The following KHDC4 variants were observed in gnomAD, a reference collection of about 807,000 sequenced individuals.
KHDC4 encodes KH domain containing 4, pre-mRNA splicing factor.
Under a neutral mutation model 74.5 loss-of-function variants are expected in KHDC4, and 19 were observed. That is an observed-to-expected ratio of 0.26 (90% CI 0.18 to 0.37). The LOEUF is 0.37. Among genes scored for constraint, KHDC4 ranks in the 10% least tolerant of loss-of-function variants. The probability of loss-of-function intolerance (pLI) is 1.00; values close to 1 mark genes in which losing one functional copy is unlikely to be tolerated. For synonymous variants in KHDC4, 253 were observed against 266.1 expected (o/e 0.95, Z 0.48); for missense variants, 632 against 754.1 (o/e 0.84, Z 1.90).
chr1:155,921,570 G>A lies in KHDC4; in HGVS notation c.1071C>T (p.Ser357=). ...SVPPQPPYYP[S]NGYQSGYPVV... is the part of the protein sequence containing the mutation. ...CAGGGTAACCAGACTGATAGCCATT[G>A]GATGGATAATATGGTGGTTGAGGAG... Residue 357 remains serine (S), a synonymous_variant, in exon 10 of 14, where the codon TCC becomes TCT. Transcript: ENST00000368321. 1.2e-6 allele frequency: 2 copies of A among 1,614,040 alleles called. No homozygotes were observed. Among genetic ancestry groups the A allele is most frequent in the Non-Finnish European group, 1.7e-6 (2 of 1,179,930 alleles).
At chr1:155,922,425 A>G (rs868147806) in intron 8 of KHDC4, among the ~76,000 whole-genome samples, 1 of 152,262 alleles carries the variant, frequency 6.6e-6, no homozygotes, top group South Asian at 2.1e-4. Flanking sequence ...GATTACAGGC[A>G]TGAGCCACCG....
intron 12 of KHDC4, among the ~76,000 whole-genome samples, chr1:155,916,209 A>AAT (rs1673726187): frequency 6.6e-6 from 1 of 152,228 alleles, no homozygotes; most frequent in Non-Finnish European, 1.5e-5. Context: ...TATGAAGGTT[A>AAT]ATATACTAAT....
At chr1:155,925,358 G>T (rs1673966660) in intron 7 of KHDC4, among the ~76,000 whole-genome samples, 2 of 151,794 alleles carry the variant, frequency 1.3e-5, no homozygotes, top group Admixed American at 6.6e-5. Context: ...TGGAGAGATG[G>T]GGTTTTGCTA....
At chr1:155,929,637 C>A in intron 3 of KHDC4, 75 bp downstream of exon 3, 3 of 1,498,222 alleles carry the variant, frequency 2.0e-6, no homozygotes, top group South Asian at 2.5e-5. Flanking sequence ...AAATATCTGA[C>A]GCCTGTCTAT....
Position 155,916,698 on chromosome 1 carries a change from A to T in KHDC4, c.1480T>A (p.Ser494Thr), listed in dbSNP as rs777845244. ...IHMTNLGTGF[S>T]SQNEIEGAGS... ...GCACCTTCAATCTCATTCTGACTGG[A>T]GAAGCCTGTACCTAAATTAGTCATA... is the stretch of plus-strand genomic sequence containing the variant. Residue 494 changes from serine (S) to threonine (T), a missense_variant, in exon 12 of 14, where the codon TCC becomes ACC. Coordinates refer to ENST00000368321, the MANE Select transcript of KHDC4 (RefSeq NM_014949.4). 1.2e-6 allele frequency: 2 copies of T among 1,613,910 alleles called. No individual in the cohort carries two copies. Among genetic ancestry groups the T allele is most frequent in the Admixed American group, 1.7e-5 (1 of 59,964 alleles).
intron 10 of KHDC4, among the ~76,000 whole-genome samples, chr1:155,918,971 GTTTT>G (rs66693073): frequency 9.3e-6 from 1 of 107,440 alleles, no homozygotes; most frequent in Non-Finnish European, 1.8e-5. Context: ...CTAACTCCCA[GTTTT>G]TTTTTTTTTT....
intron 12 of KHDC4, among the ~76,000 whole-genome samples, chr1:155,916,401 G>A (rs181127429): frequency 1.2e-4 from 18 of 152,272 alleles, no homozygotes; most frequent in Admixed American, 4.6e-4. Flanking sequence ...AAAGATGTCT[G>A]AACAAGTAAT....
intron 2 of KHDC4, among the ~76,000 whole-genome samples, chr1:155,931,155 C>A (rs1170574136): frequency 6.6e-6 from 1 of 151,732 alleles, no homozygotes; most frequent in Non-Finnish European, 1.5e-5. Context: ...AACCACATCT[C>A]TAAAAAAATA....
intron 11 of KHDC4, 141 bp from the exon 12 acceptor site, chr1:155,916,878 T>A: frequency 1.7e-6 from 1 of 595,294 alleles, no homozygotes; most frequent in Non-Finnish European, 2.9e-6. Context: ...TGGGATCTGC[T>A]GTGTAACTGT....
At chr1:155,926,196 G>A (rs1673990436) in intron 6 of KHDC4, 1 of 430,660 alleles carries the variant, frequency 2.3e-6, no homozygotes, top group Admixed American at 2.8e-5. Context: ...ATGAAGAAAT[G>A]TGTGATCAGG....
At chr1:155,926,364 C>T in intron 6 of KHDC4, 1 of 304,274 alleles carries the variant, frequency 3.3e-6, no homozygotes, top group Non-Finnish European at 5.8e-6. Context: ...GAGTCTTGCT[C>T]TGTGGCCCAG....
Position 155,916,634 on chromosome 1 carries a change from T to C in KHDC4, c.1544A>G (p.Glu515Gly), listed in dbSNP as rs369066374. Residue 515 changes from glutamate (E) to glycine (G), a missense_variant, in exon 12 of 14, where the codon GAG becomes GGG. Coordinates refer to ENST00000368321, the MANE Select transcript of KHDC4 (RefSeq NM_014949.4). The stretch of plus-strand genomic sequence containing the variant: ...AATTATTCCAACTTACCTGTCCCTC[T>C]CTCTCTCTTTGCCTGAGGAACTTGC... ...KPASSSGKERERDRQLMPPPA... is the reference protein window; with the variant it reads ...KPASSSGKERGRDRQLMPPPA... 1 of 1,608,012 alleles carries C rather than the reference T, an allele frequency of 6.2e-7. No individual in the cohort carries two copies. Among genetic ancestry groups the C allele is most frequent in the Non-Finnish European group, 8.5e-7 (1 of 1,175,560 alleles).
At chr1:155,921,312 T>TC in intron 10 of KHDC4, 63 bp downstream of exon 10, 1 of 1,556,332 alleles carries the variant, frequency 6.4e-7, no homozygotes, top group East Asian at 2.3e-5. Flanking sequence ...TACCACTACT[T>TC]CCCCTCTTTC....
intron 2 of KHDC4, among the ~76,000 whole-genome samples, chr1:155,930,227 T>C (rs898323443): frequency 6.6e-6 from 1 of 152,206 alleles, no homozygotes; most frequent in African/African-American, 2.4e-5. Flanking sequence ...TAAAGCCTTT[T>C]AGTCATCCAA....
chr1:155,930,924 T>C (rs893585966), intron 2 of KHDC4, among the ~76,000 whole-genome samples: 3 of 152,096 alleles, frequency 2.0e-5, no homozygotes, highest in East Asian at 1.9e-4. Flanking sequence ...TCAGGCAGAA[T>C]TGCTTGAAGC....
At chr1:155,929,243 T>C (rs752360722) in intron 4 of KHDC4, 53 bp downstream of exon 4, 18 of 1,244,214 alleles carry the variant, frequency 1.4e-5, no homozygotes, top group Non-Finnish European at 2.1e-5. Flanking sequence ...AACATGAGGC[T>C]AACGTGAGTC....
At position 155,921,516 on chromosome 1, in the gene KHDC4, T is replaced by G; in HGVS notation, c.1125A>C (p.Gln375His). 9 of 1,613,886 alleles carry G rather than the reference T, an allele frequency of 5.6e-6. No individual in the cohort carries two copies. Among genetic ancestry groups the G allele is most frequent in the Non-Finnish European group, 7.6e-6 (9 of 1,179,984 alleles). Residue 375 changes from glutamine (Q) to histidine (H), a missense_variant, in exon 10 of 14, where the codon CAA becomes CAC. This residue lies in a region of KHDC4 where 254 missense variants were observed against 267.4 expected (regional missense o/e 0.95). Transcript: ENST00000368321. ...CTATGCTTGGTACTCCGTAGGGAGG[T>G]TGAACTGGCTGCTGAGGAGGGGGAA... is the stretch of plus-strand genomic sequence containing the variant. ...PVVPPPQQPV[Q>H]PPYGVPSIVP...
Position 155,917,558 on chromosome 1 carries a change from T to C in KHDC4, c.1381A>G (p.Lys461Glu). Residue 461 changes from lysine to glutamate, a missense_variant, in exon 11 of 14, where the codon AAG (lysine) becomes GAG (glutamate). By Grantham distance (56) the Lys-to-Glu change is moderately conservative. This residue lies in a region of KHDC4 where 254 missense variants were observed against 267.4 expected (regional missense o/e 0.95). Transcript: ENST00000368321. Reference protein sequence around the residue: ...PPLPSQPQAQKRRFTEELPDE... With the variant: ...PPLPSQPQAQERRFTEELPDE... ...GGTAGCTCCTCTGTGAATCGTCTCTTCTGTGCCTGGGGCTGACTTGGGAGT... is the reference window on the plus strand; with the variant it reads ...GGTAGCTCCTCTGTGAATCGTCTCTCCTGTGCCTGGGGCTGACTTGGGAGT... 1 of 1,611,146 alleles carries C rather than the reference T, an allele frequency of 6.2e-7. No individual in the cohort carries two copies. The highest frequency in any genetic ancestry group is 8.5e-7 in the Non-Finnish European group (1 of 1,178,954).
chr1:155,921,739 C>G (rs983443319), intron 9 of KHDC4, 111 bp from the exon 10 acceptor site: 4 of 1,443,258 alleles, frequency 2.8e-6, no homozygotes, highest in Non-Finnish European at 3.8e-6. Flanking sequence ...GAATGGCTTT[C>G]CAAATTACCC....
Sources: allele counts gnomAD v4.1 joint callset (sites outside exome capture counted in the v4.1 genomes callset), GRCh38; gene constraint gnomAD v4.1.1; regional missense constraint gnomAD v4.1.1; transcripts MANE v1.5; gene names NCBI Gene and HGNC (gene_info 2026-07-23, HGNC 2026-07-21).